The following TRIM41 variants were observed in gnomAD, a reference collection of about 807,000 sequenced individuals.
TRIM41 encodes the protein E3 ubiquitin-protein ligase TRIM41.
A neutral mutation model predicts 60.6 loss-of-function variants in TRIM41; 21 were observed. That is an observed-to-expected ratio of 0.35 (90% confidence interval 0.25 to 0.50). TRIM41 has a LOEUF of 0.50. TRIM41 is among the 20% of genes least tolerant of loss of function. The pLI is 0.98. For missense variants in TRIM41, 846 were observed against 868.3 expected (o/e 0.97, Z 0.32); for synonymous variants, 407 against 344.9 (o/e 1.18, Z -2.00).
rs1758765858 is a variant in TRIM41 at position 181,230,812 on chromosome 5, G to C, written c.882G>C (p.Lys294Asn). ...HLEAVQKMKA[K>N]EERRVTELKS... ...AGGCAGTGCAGAAGATGAAAGCCAA[G>C]GAGGAGAGGCGAGTGACAGAACTGA... Residue 294 changes from lysine (K) to asparagine (N), a missense_variant, in exon 2 of 6, where the codon AAG (lysine) becomes AAC (asparagine). Coordinates refer to ENST00000315073, the MANE Select transcript of TRIM41 (RefSeq NM_033549.5). The C allele has an allele frequency of 1.2e-6, 2 of 1,613,056 alleles. No individual in the cohort carries two copies. The highest frequency in any genetic ancestry group is 1.7e-5 in the Admixed American group (1 of 59,964).
At position 181,223,463 on chromosome 5, in the gene TRIM41, T is replaced by C; in HGVS notation, c.-537T>C. 2.5e-6 allele frequency: 1 copy of C among 401,606 alleles called. No homozygotes were observed. Among genetic ancestry groups the C allele is most frequent in the Non-Finnish European group, 4.4e-6 (1 of 227,798 alleles). 24.9% of individuals were successfully genotyped at this position (401,606 alleles called of 1,614,324 possible). ...AGGCGGTTCCTCTGTTCTTTCTGCGTTCCCCGCGGCCTCTTACCACAGAGA... is the reference window on the plus strand; with the variant it reads ...AGGCGGTTCCTCTGTTCTTTCTGCGCTCCCCGCGGCCTCTTACCACAGAGA... On this transcript the variant is annotated 5_prime_UTR_variant, in exon 1 of 6. Transcript: ENST00000315073.
rs1056320859 is a variant in TRIM41 at position 181,235,101 on chromosome 5, T to C, written c.*326T>C. 3 of 1,602,804 alleles carry C rather than the reference T, an allele frequency of 1.9e-6. No homozygotes were observed. Among genetic ancestry groups the C allele is most frequent in the Non-Finnish European group, 1.7e-6 (2 of 1,174,944 alleles). ...TTGAGTAGGGGATGAGGGGAAATTGTAATTTCATTCCTTAACTTCCTTTTC... is the reference window on the plus strand; with the variant it reads ...TTGAGTAGGGGATGAGGGGAAATTGCAATTTCATTCCTTAACTTCCTTTTC... On this transcript the variant is annotated 3_prime_UTR_variant, in exon 6 of 6. Transcript: ENST00000315073.
Position 181,230,880 on chromosome 5 carries a change from C to T in TRIM41, c.909+41C>T, listed in dbSNP as rs371458519. On this transcript the variant is annotated intron_variant, in intron 2 of 5. Transcript: ENST00000315073. Reference sequence around the variant, plus strand: ...CGACGGGGCTGATGGGCAGTACAGTCGAGGCAAGGAAGGTAGGGCTTCCCA... The same window carrying T: ...CGACGGGGCTGATGGGCAGTACAGTTGAGGCAAGGAAGGTAGGGCTTCCCA... The T allele has an allele frequency of 4.3e-5, 68 of 1,576,588 alleles. 1 individual carries two copies. The highest frequency in any genetic ancestry group is 2.2e-4 in the South Asian group (20 of 90,074).
chr5:181,228,712 A>C (rs969324667), intron 1 of TRIM41: 2 of 151,692 alleles, frequency 1.3e-5, no homozygotes, highest in Admixed American at 6.6e-5. Flanking sequence ...AGGTGGGCAG[A>C]TCACTTGAGG....
In TRIM41 at chr5:181,223,415, C is replaced by A; in HGVS notation, c.-585C>A. The A allele has an allele frequency of 2.5e-6, 1 of 400,116 alleles. No homozygotes were observed. The highest frequency in any genetic ancestry group is 4.4e-6 in the Non-Finnish European group (1 of 227,120). The allele number at this position is 400,116 out of a possible 1,614,324, so 24.8% of individuals were successfully genotyped here. A position where few individuals can be genotyped will look rare whatever the true frequency, so the allele number is the denominator to read the frequency against. The stretch of plus-strand genomic sequence containing the variant: ...GCTCCCCCTACCCCCCGAAGTTTCT[C>A]CCCAGCGGCGGGGGATGGGGGTAGG... On this transcript the variant is annotated 5_prime_UTR_variant, in exon 1 of 6. Coordinates refer to ENST00000315073, the MANE Select transcript of TRIM41 (RefSeq NM_033549.5).
At chr5:181,229,570 A>G (rs914498180) in intron 1 of TRIM41, 5 of 152,220 alleles carry the variant, frequency 3.3e-5, no homozygotes, top group African/African-American at 7.2e-5. Flanking sequence ...AACAGTTACA[A>G]CCTTTGGAAG....
chr5:181,233,819 T>G lies in TRIM41; in HGVS notation c.1291+56T>G, dbSNP rs1316411885. Reference sequence around the variant, plus strand: ...GCCTTTCCCTTCACAGACCTGAGACTGGGTCCTGAGGGAAGTTGGGCCCCA... The same window carrying G: ...GCCTTTCCCTTCACAGACCTGAGACGGGGTCCTGAGGGAAGTTGGGCCCCA... On this transcript the variant is annotated intron_variant, in intron 5 of 5. Transcript: ENST00000315073. This position sits in a 1 kb window ranked among gnomAD's most constrained non-coding sequence, Gnocchi z 4.1. The G allele has an allele frequency of 2.5e-6, 4 of 1,613,224 alleles. No homozygotes were observed. In the African/African-American group the frequency reaches 5.3e-5, roughly 22 times the overall value.
intron 1 of TRIM41, chr5:181,229,568 C>T (rs1005984949): frequency 6.6e-6 from 1 of 152,248 alleles, no homozygotes; most frequent in African/African-American, 2.4e-5. Flanking sequence ...ATAACAGTTA[C>T]AACCTTTGGA....
chr5:181,233,853 G>C lies in TRIM41; in HGVS notation c.1291+90G>C. 6.3e-7 allele frequency: 1 copy of C among 1,583,872 alleles called. No individual in the cohort carries two copies. The highest frequency in any genetic ancestry group is 8.6e-7 in the Non-Finnish European group (1 of 1,157,348). On this transcript the variant is annotated intron_variant, in intron 5 of 5. Transcript: ENST00000315073. The surrounding 1 kb of genome is among the most constrained non-coding windows in gnomAD (Gnocchi z 4.1). ...AGGGAAGTTGGGCCCCAGGGAAACT[G>C]TGGGGCTTGAGATGGAGCAGGATCC...
rs762498501 is a variant in TRIM41 at position 181,232,786 on chromosome 5, C to A, written c.1037C>A (p.Ala346Glu). 6.2e-7 allele frequency: 1 copy of A among 1,609,344 alleles called. No individual in the cohort carries two copies. The highest frequency in any genetic ancestry group is 8.5e-7 in the Non-Finnish European group (1 of 1,178,642). The change falls in exon 3 of 6, where the codon GCG becomes GAG. Residue 346 changes from alanine to glutamate, a missense_variant. By Grantham distance (107) the Ala-to-Glu change is moderately radical. Transcript: ENST00000315073. ...ATGCATGAAGCCCAGCTGGGGCGTG[C>A]GGGAGCCGCGGCTAGTCGCCTTGCA... ...REMHEAQLGR[A>E]GAAASRLAEQ...
chr5:181,233,343 T>G lies in TRIM41; in HGVS notation c.1141-70T>G. 6.6e-7 allele frequency: 1 copy of G among 1,511,672 alleles called. No homozygotes were observed. Among genetic ancestry groups the G allele is most frequent in the Non-Finnish European group, 9.2e-7 (1 of 1,090,286 alleles). 93.6% of individuals were successfully genotyped at this position (1,511,672 alleles called of 1,614,324 possible). ...TCTCTGACTGGAGATCGGGGAACGCTGTCCCTGTGCAGCTGACACTCTCTT... is the reference window on the plus strand; with the variant it reads ...TCTCTGACTGGAGATCGGGGAACGCGGTCCCTGTGCAGCTGACACTCTCTT... On this transcript the variant is annotated intron_variant, in intron 3 of 5. Transcript: ENST00000315073. The surrounding 1 kb of genome is among the most constrained non-coding windows in gnomAD (Gnocchi z 4.1).
At chr5:181,229,190 A>T (rs1758687766) in intron 1 of TRIM41, 1 of 152,216 alleles carries the variant, frequency 6.6e-6, no homozygotes, top group South Asian at 2.1e-4. Context: ...CATTATCAGG[A>T]TGTCACTGGC....
In TRIM41 at chr5:181,235,069, C is replaced by G. The variant is rs1296777004; in HGVS notation, c.*294C>G. The G allele has an allele frequency of 6.2e-7, 1 of 1,611,458 alleles. No homozygotes were observed. The highest frequency in any genetic ancestry group is 8.5e-7 in the Non-Finnish European group (1 of 1,179,294). On this transcript the variant is annotated 3_prime_UTR_variant, in exon 6 of 6. Transcript: ENST00000315073. The stretch of plus-strand genomic sequence containing the variant: ...CAGTCTGCCTAGCCCAGCCCTGGGA[C>G]TGGAATTTGAGTAGGGGATGAGGGG...
At position 181,224,736 on chromosome 5, in the gene TRIM41, G is replaced by T; in HGVS notation, c.737G>T (p.Cys246Phe). Reference sequence around the variant, plus strand: ...TGCGAGGTAGACGAAGAGGCCATCTGTGTGGTGTGCCGAGAATCCAGGAGC... The same window carrying T: ...TGCGAGGTAGACGAAGAGGCCATCTTTGTGGTGTGCCGAGAATCCAGGAGC... ...LFCEVDEEAI[C>F]VVCRESRSHK... Residue 246 changes from cysteine (C) to phenylalanine (F), a missense_variant, in exon 1 of 6, where the codon TGT (cysteine) becomes TTT (phenylalanine). Physicochemically the swap from Cys to Phe is radical, Grantham distance 205 (BLOSUM62 -2). Transcript: ENST00000315073. The T allele has an allele frequency of 6.2e-7, 1 of 1,614,240 alleles. No homozygotes were observed. Among genetic ancestry groups the T allele is most frequent in the Non-Finnish European group, 8.5e-7 (1 of 1,180,042 alleles).
rs1346899817 is a variant in TRIM41, at chr5:181,233,452, T to C, written c.1163+17T>C. The stretch of plus-strand genomic sequence containing the variant: ...TTTCAATAGGTGTGTTCCCAGTCTT[T>C]GCCCTTCGTGACCCAGTGGCATCTG... On this transcript the variant is annotated intron_variant, in intron 4 of 5. Transcript: ENST00000315073. The surrounding 1 kb of genome is among the most constrained non-coding windows in gnomAD (Gnocchi z 4.1). The C allele has an allele frequency of 3.7e-6, 6 of 1,614,176 alleles. No homozygotes were observed. The highest frequency in any genetic ancestry group is 1.3e-5 in the African/African-American group (1 of 75,046).
In TRIM41 at chr5:181,234,772, T is replaced by A; in HGVS notation, c.1890T>A (p.Pro630=). ...LSKGTRIKLC[P] is the part of the protein sequence containing the mutation. The stretch of plus-strand genomic sequence containing the variant: ...AGGGCACCCGCATCAAGCTCTGCCC[T>A]TGATTATCCTGCCACCCGCAGGGGC... Residue 630 remains proline (P), a synonymous_variant, in exon 6 of 6, where the codon CCT becomes CCA. Coordinates refer to ENST00000315073, the MANE Select transcript of TRIM41 (RefSeq NM_033549.5). This position sits in a 1 kb window ranked among gnomAD's most constrained non-coding sequence, Gnocchi z 5.6. 6.2e-7 allele frequency: 1 copy of A among 1,609,246 alleles called. No homozygotes were observed. Among genetic ancestry groups the A allele is most frequent in the Non-Finnish European group, 8.5e-7 (1 of 1,177,364 alleles).
At position 181,224,302 on chromosome 5, in the gene TRIM41, GGAA is replaced by G; in HGVS notation, c.309_311del (p.Glu104del). On this transcript the variant is annotated inframe_deletion, in exon 1 of 6. Transcript: ENST00000315073. ...GTGACATGGAGGAGGAGGTCGAGGA[GGAA>G]GAAGAGGGTGTGTTCTGGACCAGTG... The G allele has an allele frequency of 6.2e-7, 1 of 1,614,146 alleles. No homozygotes were observed.
chr5:181,235,335 T>C lies in TRIM41; in HGVS notation c.*560T>C. 2 of 1,614,226 alleles carry C rather than the reference T, an allele frequency of 1.2e-6. No individual in the cohort carries two copies. Among genetic ancestry groups the C allele is most frequent in the Non-Finnish European group, 1.7e-6 (2 of 1,180,026 alleles). ...GGGATTCTAAACTTTCCTTCCGTCCTCAATTTCTACCTCCATAGACCGGCC... is the reference window on the plus strand; with the variant it reads ...GGGATTCTAAACTTTCCTTCCGTCCCCAATTTCTACCTCCATAGACCGGCC... On this transcript the variant is annotated 3_prime_UTR_variant, in exon 6 of 6. Coordinates refer to ENST00000315073, the MANE Select transcript of TRIM41 (RefSeq NM_033549.5).
rs1457124731 is a variant in TRIM41 at position 181,224,476 on chromosome 5, G to A, written c.477G>A (p.Glu159=). ...DEEDEEEVLE[E]VEEEDLDPVT... ...AGGACGAGGAGGAAGTGCTGGAGGA[G>A]GTTGAGGAAGAGGATCTAGACCCCG... The change falls in exon 1 of 6, where the codon GAG becomes GAA. Residue 159 remains glutamate, a synonymous_variant. Coordinates refer to ENST00000315073, the MANE Select transcript of TRIM41 (RefSeq NM_033549.5). 3.7e-6 allele frequency: 6 copies of A among 1,613,734 alleles called. No homozygotes were observed. Among genetic ancestry groups the A allele is most frequent in the Admixed American group, 1.7e-5 (1 of 60,008 alleles).
Sources: gnomAD v4.1 joint callset for allele counts on GRCh38, gnomAD v4.1.1 for gene constraint, Gnocchi (gnomAD v3.1) non-coding constraint, MANE v1.5 for transcripts, NCBI Gene and HGNC (gene_info 2026-07-23, HGNC 2026-07-21) for gene names.